The following RPF1 variants were observed in gnomAD, a reference collection of about 807,000 sequenced individuals.
The protein encoded by RPF1 is ribosome production factor 1 homolog, also known as ribosome production factor 1.
A neutral mutation model predicts 41.9 loss-of-function variants in RPF1; 34 were observed. That is an observed-to-expected ratio of 0.81 (90% CI 0.62 to 1.08). The LOEUF is 1.08. Among genes scored for constraint, RPF1 ranks in the 50% least tolerant of loss-of-function variants. The pLI is 0.00. For synonymous variants in RPF1, 140 were observed against 148.9 expected (o/e 0.94, Z 0.43); for missense variants, 425 against 435.2 (o/e 0.98, Z 0.21).
At chr1:84,490,209 C>T (rs1393119831) in intron 4 of RPF1, 110 bp from the exon 5 acceptor site, 4 of 698,940 alleles carry the variant, frequency 5.7e-6, no homozygotes, top group Non-Finnish European at 8.8e-6. Flanking sequence ...CTCAATGTTG[C>T]TTTCTATTAA....
chr1:84,489,806 G>C (rs1681800534), intron 4 of RPF1, 78 bp downstream of exon 4: 1 of 803,444 alleles, frequency 1.2e-6, no homozygotes, highest in African/African-American at 1.7e-5. Flanking sequence ...GTTCAGAAGA[G>C]TTAAACCATT....
At position 84,497,517 on chromosome 1, in the gene RPF1, A is replaced by T; in HGVS notation, c.*47A>T. The T allele has an allele frequency of 7.3e-7, 1 of 1,363,106 alleles. No homozygotes were observed. The highest frequency in any genetic ancestry group is 1.0e-6 in the Non-Finnish European group (1 of 981,536). 84.4% of individuals were successfully genotyped at this position (1,363,106 alleles called of 1,614,324 possible). ...GATTTTGCTGAACAGGCCTATCTTG[A>T]ACTTTGGTAAATTATTTTTGACAGA... On this transcript the variant is annotated 3_prime_UTR_variant, in exon 9 of 9. Transcript: ENST00000370654.
chr1:84,497,529 T>C lies in RPF1; in HGVS notation c.*59T>C. 2 of 1,297,884 alleles carry C rather than the reference T, an allele frequency of 1.5e-6. No individual in the cohort carries two copies. Among genetic ancestry groups the C allele is most frequent in the Non-Finnish European group, 2.2e-6 (2 of 923,114 alleles). 80.4% of individuals were successfully genotyped at this position (1,297,884 alleles called of 1,614,324 possible). A position where few individuals can be genotyped will look rare whatever the true frequency, so the allele number is the denominator to read the frequency against. ...CAGGCCTATCTTGAACTTTGGTAAA[T>C]TATTTTTGACAGAATACTCTTTTCA... On this transcript the variant is annotated 3_prime_UTR_variant, in exon 9 of 9. Transcript: ENST00000370654.
chr1:84,493,944 C>CT (rs1015029361), intron 5 of RPF1, among the ~76,000 whole-genome samples: 6 of 152,008 alleles, frequency 3.9e-5, no homozygotes, highest in African/African-American at 1.4e-4. Flanking sequence ...ATACTAATGT[C>CT]TTTTTTCTGT....
chr1:84,493,494 G>A (rs1368367123), intron 5 of RPF1, among the ~76,000 whole-genome samples: 1 of 151,954 alleles, frequency 6.6e-6, no homozygotes, highest in African/African-American at 2.4e-5. Context: ...GGAGGTTGAG[G>A]TGGGAGGATT....
intron 5 of RPF1, among the ~76,000 whole-genome samples, chr1:84,493,395 G>A (rs1228271678): frequency 6.6e-6 from 1 of 151,580 alleles, no homozygotes; most frequent in African/African-American, 2.4e-5. Flanking sequence ...TAAGGCAGGT[G>A]GATCGCTTGA....
At position 84,482,727 on chromosome 1, in the gene RPF1, G is replaced by C. The variant is rs1303499361; in HGVS notation, c.286-188G>C. ...TCTAGTATGTGTGTGTCTCTGCCCAGATTGTTTAAAAAAAAAAAAAAGCCT... is the reference window on the plus strand; with the variant it reads ...TCTAGTATGTGTGTGTCTCTGCCCACATTGTTTAAAAAAAAAAAAAAGCCT... On this transcript the variant is annotated intron_variant, in intron 2 of 8. Coordinates refer to ENST00000370654, the MANE Select transcript of RPF1 (RefSeq NM_025065.7). Among the ~76,000 whole-genome samples the C allele has an allele frequency of 2.9e-5, 4 of 137,988 alleles. No homozygotes were observed. In the East Asian group the frequency reaches 8.0e-4, roughly 28 times the overall value. The allele number at this position is 137,988 out of a possible 152,430, so 90.5% of individuals were successfully genotyped here. A position where few individuals can be genotyped will look rare whatever the true frequency, so the allele number is the denominator to read the frequency against.
chr1:84,497,207 ACTTAG>A (rs1420055904), intron 8 of RPF1, among the ~76,000 whole-genome samples: 4 of 150,592 alleles, frequency 2.7e-5, no homozygotes, highest in African/African-American at 9.8e-5. Context: ...GCAGTACTTC[ACTTAG>A]TAACATTTTA....
rs777248210 is a variant in RPF1, at chr1:84,497,425, T to A, written c.1009-4T>A. ...TCCTCCACTCCCTTGCTTTCCACTTTCAGCCCCGGGAAATGGATACAAGTA... is the reference window on the plus strand; with the variant it reads ...TCCTCCACTCCCTTGCTTTCCACTTACAGCCCCGGGAAATGGATACAAGTA... On this transcript the variant is annotated splice_polypyrimidine_tract_variant and splice_region_variant and intron_variant, in intron 8 of 8. Coordinates refer to ENST00000370654, the MANE Select transcript of RPF1 (RefSeq NM_025065.7). 1.2e-6 allele frequency: 2 copies of A among 1,610,404 alleles called. No individual in the cohort carries two copies. Among genetic ancestry groups the A allele is most frequent in the South Asian group, 1.1e-5 (1 of 90,594 alleles).
intron 4 of RPF1, 128 bp downstream of exon 4, chr1:84,489,856 A>G (rs1461330675): frequency 3.3e-6 from 2 of 613,874 alleles, no homozygotes; most frequent in Non-Finnish European, 5.8e-6. Context: ...TAAGTAAATA[A>G]AACGTAGCTC....
At chr1:84,497,031 C>G (rs569831613) in intron 8 of RPF1, among the ~76,000 whole-genome samples, 2 of 151,726 alleles carry the variant, frequency 1.3e-5, no homozygotes, top group Non-Finnish European at 2.9e-5. Flanking sequence ...ACCACCACAC[C>G]GGCTAATCTT....
At chr1:84,482,113 T>TA (rs1401926929) in intron 2 of RPF1, among the ~76,000 whole-genome samples, 1 of 152,240 alleles carries the variant, frequency 6.6e-6, no homozygotes, top group Non-Finnish European at 1.5e-5. Flanking sequence ...TTGCCTCCTT[T>TA]AAAAAATGCT....
chr1:84,497,682 C>G lies in RPF1; in HGVS notation c.*212C>G, dbSNP rs1681967769. On this transcript the variant is annotated 3_prime_UTR_variant, in exon 9 of 9. Transcript: ENST00000370654. The stretch of plus-strand genomic sequence containing the variant: ...TTTTGATGGCTTAGGTTTCCTTAAA[C>G]TTAGTTCTCTTGTTTTTGGGTAACT... 1 of 424,604 alleles carries G rather than the reference C, an allele frequency of 2.4e-6. No individual in the cohort carries two copies. The highest frequency in any genetic ancestry group is 2.1e-5 in the African/African-American group (1 of 48,406). The allele number at this position is 424,604 out of a possible 1,614,324, so 26.3% of individuals were successfully genotyped here. A position where few individuals can be genotyped will look rare whatever the true frequency, so the allele number is the denominator to read the frequency against.
chr1:84,483,240 G>C (rs1324517026), intron 3 of RPF1: 2 of 460,276 alleles, frequency 4.3e-6, no homozygotes, highest in African/African-American at 4.0e-5. Flanking sequence ...ATCCCTGAAT[G>C]GTATTTTGGA....
intron 3 of RPF1, among the ~76,000 whole-genome samples, chr1:84,488,508 C>G (rs1681773632): frequency 6.6e-6 from 1 of 152,040 alleles, no homozygotes; most frequent in South Asian, 2.1e-4. Flanking sequence ...TTTAGATAAC[C>G]ATTTCTGCAA....
intron 5 of RPF1, among the ~76,000 whole-genome samples, chr1:84,495,005 C>G (rs1302884958): frequency 6.6e-6 from 1 of 152,130 alleles, no homozygotes; most frequent in Non-Finnish European, 1.5e-5. Context: ...AACTCATACT[C>G]TATTTGCAGT....
intron 5 of RPF1, among the ~76,000 whole-genome samples, chr1:84,492,473 C>G (rs1367369302): frequency 6.6e-6 from 1 of 152,114 alleles, no homozygotes. Context: ...AATACAGATT[C>G]CATTATTTTC....
intron 1 of RPF1, among the ~76,000 whole-genome samples, chr1:84,480,196 T>G (rs971872410): frequency 2.0e-5 from 3 of 152,276 alleles, no homozygotes; most frequent in Admixed American, 2.0e-4. Context: ...GACTGGTTCT[T>G]ACTCATGTTC....
Position 84,479,303 on chromosome 1 carries a change from A to T in RPF1, c.22A>T (p.Ser8Cys), listed in dbSNP as rs1681594474. Reference protein sequence around the residue: MAKAGDKSSSSGKKSLKR... With the variant: MAKAGDKCSSSGKKSLKR... ...GACCATGGCGAAAGCCGGGGATAAG[A>T]GCAGCAGCAGCGGGAAGAAAAGTCT... The change falls in exon 1 of 9, where the codon AGC becomes TGC. Residue 8 changes from serine to cysteine, a missense_variant. Physicochemically the swap from Ser to Cys is moderately radical, Grantham distance 112. Transcript: ENST00000370654. 4 of 1,606,586 alleles carry T rather than the reference A, an allele frequency of 2.5e-6. No homozygotes were observed. The highest frequency in any genetic ancestry group is 3.4e-6 in the Non-Finnish European group (4 of 1,176,468).
Sources: allele counts gnomAD v4.1 joint callset (sites outside exome capture counted in the v4.1 genomes callset), GRCh38; gene constraint gnomAD v4.1.1; transcripts MANE v1.5; gene names NCBI Gene and HGNC (gene_info 2026-07-23, HGNC 2026-07-21).